Variants in ANKDD1A observed in about 807,000 individuals in gnomAD.
ANKDD1A encodes the protein ankyrin repeat and death domain containing 1A.
In ANKDD1A, 59 loss-of-function variants were observed where a neutral mutation model predicts 63.5. The observed-to-expected ratio is 0.93, with a 90% CI of 0.75 to 1.15. The LOEUF is 1.15. Among genes scored for constraint, ANKDD1A ranks in the 50% most tolerant of loss-of-function variants. The probability of loss-of-function intolerance (pLI) is 0.00; values close to 1 mark genes in which losing one functional copy is unlikely to be tolerated. For synonymous variants in ANKDD1A, 266 were observed against 263.9 expected (o/e 1.01, Z -0.08); for missense variants, 632 against 656.4 (o/e 0.96, Z 0.41).
At chr15:64,945,329 A>C (rs1445166190) in intron 12 of ANKDD1A, among the ~76,000 whole-genome samples, 2 of 152,020 alleles carry the variant, frequency 1.3e-5, no homozygotes, top group Non-Finnish European at 2.9e-5. Context: ...CCCCGATTAC[A>C]ATGGTTCAGC....
chr15:64,913,021 A>G (rs2084943100), intron 1 of ANKDD1A, among the ~76,000 whole-genome samples: 1 of 152,084 alleles, frequency 6.6e-6, no homozygotes, highest in Non-Finnish European at 1.5e-5. Flanking sequence ...AGGGTGCCGG[A>G]TGGGAGGTGG....
intron 9 of ANKDD1A, among the ~76,000 whole-genome samples, chr15:64,941,461 C>T (rs373273464): frequency 3.9e-5 from 6 of 152,086 alleles, no homozygotes; most frequent in East Asian, 1.9e-4. Flanking sequence ...AGGCATCACA[C>T]GGTAAGACAG....
At chr15:64,935,360 A>G (rs2085121923) in intron 9 of ANKDD1A, among the ~76,000 whole-genome samples, 2 of 151,742 alleles carry the variant, frequency 1.3e-5, no homozygotes, top group African/African-American at 4.8e-5. Flanking sequence ...GCAAAACCCC[A>G]TCTCTACAAA....
chr15:64,919,141 A>G (rs1483344343), intron 3 of ANKDD1A, among the ~76,000 whole-genome samples: 2 of 152,114 alleles, frequency 1.3e-5, no homozygotes, highest in African/African-American at 4.8e-5. Context: ...GACAGTTCCT[A>G]GGAACTATGT....
Position 64,951,338 on chromosome 15 carries a change from TTCTTCTTTCC to T in ANKDD1A, c.1483+1376_1483+1385del, listed in dbSNP as rs1189561521. The stretch of plus-strand genomic sequence containing the variant: ...CTTCTTTCTTCTTTCCTCTTTTTCT[TTCTTCTTTCC>T]TCTTCTTTCTTCTTCCTCTTTCTTC... On this transcript the variant is annotated intron_variant, in intron 14 of 14. Transcript: ENST00000319580. The T allele has an allele frequency of 5.7e-6, 4 of 701,872 alleles. No individual in the cohort carries two copies. The African/African-American group carries it at 9.8e-5, about 17-fold the overall frequency. 43.5% of individuals were successfully genotyped at this position (701,872 alleles called of 1,614,324 possible).
intron 9 of ANKDD1A, among the ~76,000 whole-genome samples, chr15:64,936,317 G>T (rs1254373311): frequency 6.6e-6 from 1 of 151,994 alleles, no homozygotes; most frequent in South Asian, 2.1e-4. Context: ...ATGCTTACTT[G>T]TTTCTGCCCA....
intron 14 of ANKDD1A, among the ~76,000 whole-genome samples, chr15:64,954,763 CTTCT>C (rs760163696): frequency 1.6e-5 from 2 of 127,104 alleles, no homozygotes; most frequent in Admixed American, 8.5e-5. Flanking sequence ...TCTTTTTGTT[CTTCT>C]TTCTTCTTCT....
chr15:64,920,334 C>T (rs1316787456), intron 3 of ANKDD1A, among the ~76,000 whole-genome samples: 1 of 152,090 alleles, frequency 6.6e-6, no homozygotes, highest in East Asian at 1.9e-4. Context: ...AGGAAGAGCA[C>T]CCTGCAAACA....
rs149120142 is a variant in ANKDD1A, at chr15:64,916,566, G to C, written c.138+666G>C. On this transcript the variant is annotated intron_variant, in intron 2 of 14. Coordinates refer to ENST00000319580, the MANE Select transcript of ANKDD1A (RefSeq NM_182703.6). ...GGTCTCAAACTCCTGGACTCAAGCT[G>C]TCCTCCCACCTCAGCCTCCCGAAGT... Among the ~76,000 whole-genome samples, 1,462 of 152,166 alleles carry C rather than the reference G, an allele frequency of 9.6e-3. 25 individuals are homozygous for C. Among genetic ancestry groups the C allele is most frequent in the African/African-American group, 0.034 (1,411 of 41,530 alleles).
At chr15:64,918,741 G>C (rs1018360671) in intron 3 of ANKDD1A, among the ~76,000 whole-genome samples, 1 of 152,090 alleles carries the variant, frequency 6.6e-6, no homozygotes, top group African/African-American at 2.4e-5. Flanking sequence ...ATCACCTGAG[G>C]TCAGGAGTTC....
chr15:64,947,080 C>A (rs1056281243), intron 12 of ANKDD1A, among the ~76,000 whole-genome samples: 15 of 152,164 alleles, frequency 9.9e-5, no homozygotes, highest in African/African-American at 3.6e-4. Flanking sequence ...GAAAGAGAGG[C>A]AGGTGACCGG....
intron 6 of ANKDD1A, 60 bp downstream of exon 6, chr15:64,927,059 G>T (rs538724850): frequency 3.8e-6 from 6 of 1,573,160 alleles, no homozygotes; most frequent in Non-Finnish European, 4.4e-6. Context: ...CACCTTCCAG[G>T]CTCTGGCTCC....
At chr15:64,955,486 A>C (rs2085409432) in intron 14 of ANKDD1A, among the ~76,000 whole-genome samples, 1 of 152,202 alleles carries the variant, frequency 6.6e-6, no homozygotes. Flanking sequence ...GTGCCAGGCA[A>C]GCACAGCTTG....
intron 4 of ANKDD1A, among the ~76,000 whole-genome samples, chr15:64,922,956 G>T (rs554490305): frequency 6.6e-6 from 1 of 152,142 alleles, no homozygotes; most frequent in Non-Finnish European, 1.5e-5. Flanking sequence ...TGAAATTATG[G>T]CAGTGATTAG....
At chr15:64,938,081 A>C (rs112067641) in intron 9 of ANKDD1A, among the ~76,000 whole-genome samples, 76 of 152,372 alleles carry the variant, frequency 5.0e-4, no homozygotes, top group Non-Finnish European at 8.4e-4. Context: ...ATTGTAATCC[A>C]AAGTATAAAA....
At chr15:64,951,595 C>CTTCTTCCTCTTCTTCCTTTTCTTCT (rs1566915831) in intron 14 of ANKDD1A, among the ~76,000 whole-genome samples, 1 of 118,532 alleles carries the variant, frequency 8.4e-6, no homozygotes, top group Admixed American at 9.1e-5. Context: ...CCTTTTCTTT[C>CTTCTTCCTCTTCTTCCTTTTCTTCT]TTCTTTCTTC....
At position 64,926,958 on chromosome 15, in the gene ANKDD1A, T is replaced by C; in HGVS notation, c.529T>C (p.Phe177Leu). 1 of 1,614,204 alleles carries C rather than the reference T, an allele frequency of 6.2e-7. No homozygotes were observed. The highest frequency in any genetic ancestry group is 8.5e-7 in the Non-Finnish European group (1 of 1,180,038). Residue 177 changes from phenylalanine to leucine, a missense_variant, in exon 6 of 15, where the codon TTC becomes CTC. Coordinates refer to ENST00000319580, the MANE Select transcript of ANKDD1A (RefSeq NM_182703.6). ...AEHGQLDALD[F>L]LVGSGCDHNV... is the part of the protein sequence containing the mutation. ...GCACGGGCAGCTGGATGCTCTGGAC[T>C]TCCTCGTGGGCTCTGGCTGTGACCA...
At chr15:64,942,043 G>A (rs2085188442) in intron 9 of ANKDD1A, among the ~76,000 whole-genome samples, 1 of 152,164 alleles carries the variant, frequency 6.6e-6, no homozygotes, top group Non-Finnish European at 1.5e-5. Flanking sequence ...GTTTCTGTTT[G>A]TAAGATGAAG....
At chr15:64,928,802 C>T (rs1188306829) in intron 6 of ANKDD1A, among the ~76,000 whole-genome samples, 1 of 152,270 alleles carries the variant, frequency 6.6e-6, no homozygotes, top group Non-Finnish European at 1.5e-5. Context: ...AGGCTGCCTT[C>T]TGCCCAGCTG....
Sources: allele counts gnomAD v4.1 joint callset (sites outside exome capture counted in the v4.1 genomes callset), GRCh38; gene constraint gnomAD v4.1.1; transcripts MANE v1.5; gene names NCBI Gene and HGNC (gene_info 2026-07-23, HGNC 2026-07-21).